The following OTUD7A variants were observed in gnomAD, a reference collection of about 807,000 sequenced individuals.
OTUD7A encodes the protein OTU domain-containing protein 7A.
A neutral mutation model predicts 65.7 loss-of-function variants in OTUD7A; 12 were observed. The observed-to-expected ratio is 0.18, with a 90% CI of 0.12 to 0.30. OTUD7A has a LOEUF of 0.30. Among genes scored for constraint, OTUD7A ranks in the 10% least tolerant of loss-of-function variants. The pLI is 1.00. For synonymous variants in OTUD7A, 641 were observed against 586.3 expected (o/e 1.09, Z -1.35); for missense variants, 1,148 against 1,304.8 (o/e 0.88, Z 1.85).
In OTUD7A at chr15:31,592,879, C is replaced by CAAAA. The variant is rs1170532149; in HGVS notation, c.152-22686_152-22683dup. Among the ~76,000 whole-genome samples, 14 of 8,538 alleles carry CAAAA rather than the reference C, an allele frequency of 1.6e-3. 3 individuals are homozygous for CAAAA. The highest frequency in any genetic ancestry group is 2.2e-3 in the Non-Finnish European group (13 of 5,964). 5.6% of individuals were successfully genotyped at this position (8,538 alleles called of 152,430 possible). A position where few individuals can be genotyped will look rare whatever the true frequency, so the allele number is the denominator to read the frequency against. ...TGGGTGACAGAGCAAGGCTCTGTCTCAAAAAAAAAAAAAAAAAAAAAAAAA... is the reference window on the plus strand; with the variant it reads ...TGGGTGACAGAGCAAGGCTCTGTCTCAAAAAAAAAAAAAAAAAAAAAAAAAAAAA... On this transcript the variant is annotated intron_variant, in intron 3 of 12. Transcript: ENST00000307050.
In OTUD7A at chr15:31,673,863, CCTT is replaced by C. The variant is rs1182838810; in HGVS notation, c.-99-16789_-99-16787del. ...AGCTGTCACCCCAACCTACTTGCCTCCTTCTTCTCTCTGTGAAGGCTGCCCTGG... is the reference window on the plus strand; with the variant it reads ...AGCTGTCACCCCAACCTACTTGCCTCCTTCTCTCTGTGAAGGCTGCCCTGG... On this transcript the variant is annotated intron_variant, in intron 1 of 12. Transcript: ENST00000307050. Among the ~76,000 whole-genome samples, 4 of 152,322 alleles carry C rather than the reference CCTT, an allele frequency of 2.6e-5. No homozygotes were observed. The South Asian group carries it at 8.3e-4, about 32-fold the overall frequency.
intron 8 of OTUD7A, 99 bp downstream of exon 8, chr15:31,526,250 G>T: frequency 8.4e-7 from 1 of 1,195,102 alleles, no homozygotes. Context: ...CAGCACAAGA[G>T]TCCCACATTC....
At chr15:31,831,700 C>T (rs1190973025) in intron 1 of OTUD7A, among the ~76,000 whole-genome samples, 1 of 152,198 alleles carries the variant, frequency 6.6e-6, no homozygotes, top group Admixed American at 6.5e-5. Context: ...TTCACAGTAG[C>T]CTTATTCCAA....
intron 1 of OTUD7A, among the ~76,000 whole-genome samples, chr15:31,803,082 C>T (rs887281404): frequency 6.6e-6 from 1 of 152,120 alleles, no homozygotes; most frequent in African/African-American, 2.4e-5. Context: ...GCAGAGCATT[C>T]CCAGACAAAT....
At chr15:31,555,989 G>T (rs1289315522) in intron 5 of OTUD7A, 1 of 152,158 alleles carries the variant, frequency 6.6e-6, no homozygotes, top group African/African-American at 2.4e-5. Flanking sequence ...CCACAGGCGT[G>T]CACCACCATG....
intron 1 of OTUD7A, among the ~76,000 whole-genome samples, chr15:31,763,197 C>T (rs1895016071): frequency 1.3e-5 from 2 of 152,074 alleles, no homozygotes; most frequent in Admixed American, 1.3e-4. Context: ...GCAGGAGAAT[C>T]ACTTGAACCC....
intron 3 of OTUD7A, among the ~76,000 whole-genome samples, chr15:31,601,427 C>G (rs568312120): frequency 3.3e-5 from 5 of 152,096 alleles, no homozygotes; most frequent in Non-Finnish European, 5.9e-5. Context: ...ACAGACGCAA[C>G]GTACCAGAAT....
chr15:31,487,490 C>T lies in OTUD7A; in HGVS notation c.1248G>A (p.Glu416=), dbSNP rs372209608. 7.4e-6 allele frequency: 12 copies of T among 1,614,114 alleles called. No individual in the cohort carries two copies. The highest frequency in any genetic ancestry group is 1.0e-5 in the Non-Finnish European group (12 of 1,180,030). The change falls in exon 11 of 13, where the codon GAG becomes GAA. Residue 416 remains glutamate (E), a synonymous_variant. Coordinates refer to ENST00000307050, the MANE Select transcript of OTUD7A (RefSeq NM_001382637.1). This position sits in a 1 kb window ranked among gnomAD's most constrained non-coding sequence, Gnocchi z 6.0. ...CGTTATCGTTGTCGTCTTTCCCCCA[C>T]TCCCAGTCCTTGCCAGGGTCCACTG... ...HFAVDPGKDW[E]WGKDDNDNAR...
chr15:31,551,592 A>C (rs1888326153), intron 5 of OTUD7A, among the ~76,000 whole-genome samples: 2 of 152,266 alleles, frequency 1.3e-5, no homozygotes, highest in South Asian at 4.1e-4. Flanking sequence ...GCTTTGGAGC[A>C]GGTGGTTACC....
chr15:31,538,321 C>G (rs2141131873), intron 5 of OTUD7A, among the ~76,000 whole-genome samples: 1 of 152,298 alleles, frequency 6.6e-6, no homozygotes, highest in East Asian at 1.9e-4. Flanking sequence ...GCTGCCAGCC[C>G]TGCCATGAAC....
At chr15:31,752,793 T>C (rs1173066508) in intron 1 of OTUD7A, among the ~76,000 whole-genome samples, 1 of 152,056 alleles carries the variant, frequency 6.6e-6, no homozygotes, top group African/African-American at 2.4e-5. Context: ...CTTACCCTCA[T>C]CATTTTTGAA....
At chr15:31,634,153 G>C (rs1891264695) in intron 3 of OTUD7A, among the ~76,000 whole-genome samples, 1 of 152,110 alleles carries the variant, frequency 6.6e-6, no homozygotes, top group East Asian at 1.9e-4. Flanking sequence ...CATCCACCAG[G>C]ATAAAGAAGT....
intron 1 of OTUD7A, among the ~76,000 whole-genome samples, chr15:31,720,151 C>T (rs1165549479): frequency 6.6e-6 from 1 of 150,518 alleles, no homozygotes; most frequent in Non-Finnish European, 1.5e-5. Context: ...GAGAAAGAAT[C>T]GTGGAAAAGT....
chr15:31,541,327 G>T (rs1021262877), intron 5 of OTUD7A, among the ~76,000 whole-genome samples: 1 of 152,130 alleles, frequency 6.6e-6, no homozygotes, highest in Non-Finnish European at 1.5e-5. Flanking sequence ...AAAAACCAAT[G>T]AAAAGATTTC....
At position 31,484,520 on chromosome 15, in the gene OTUD7A, T is replaced by C; in HGVS notation, c.1576A>G (p.Ser526Gly). 2 of 1,610,720 alleles carry C rather than the reference T, an allele frequency of 1.2e-6. No individual in the cohort carries two copies. The highest frequency in any genetic ancestry group is 1.7e-6 in the Non-Finnish European group (2 of 1,179,992). The change falls in exon 13 of 13, where the codon AGC (serine) becomes GGC (glycine). Residue 526 changes from serine to glycine, a missense_variant. Physicochemically the swap from Ser to Gly is moderately conservative, Grantham distance 56. Around this residue, in one of 6 missense-constraint regions of OTUD7A, gnomAD observed 842 missense variants for 769.5 expected, o/e 1.09. Coordinates refer to ENST00000307050, the MANE Select transcript of OTUD7A (RefSeq NM_001382637.1). The surrounding 1 kb of genome is among the most constrained non-coding windows in gnomAD (Gnocchi z 4.5). Reference sequence around the variant, plus strand: ...TTGATGCCCAGCGTCTTGCTGAAGCTGCCCAGCTTGTTGGCCACGGAGTCG... The same window carrying C: ...TTGATGCCCAGCGTCTTGCTGAAGCCGCCCAGCTTGTTGGCCACGGAGTCG... Reference protein sequence around the residue: ...RADSVANKLGSFSKTLGIKLK... With the variant: ...RADSVANKLGGFSKTLGIKLK...
chr15:31,822,947 C>A (rs924156045), intron 1 of OTUD7A, among the ~76,000 whole-genome samples: 1 of 152,108 alleles, frequency 6.6e-6, no homozygotes, highest in South Asian at 2.1e-4. Context: ...ACCTACAAGA[C>A]GTATGGTTCC....
intron 3 of OTUD7A, among the ~76,000 whole-genome samples, chr15:31,621,139 C>T (rs1331676071): frequency 6.6e-6 from 1 of 151,480 alleles, no homozygotes; most frequent in East Asian, 1.9e-4. Context: ...AAACAGTTTG[C>T]TATAATTTCT....
At chr15:31,587,182 A>T (rs1889568015) in intron 3 of OTUD7A, among the ~76,000 whole-genome samples, 2 of 152,112 alleles carry the variant, frequency 1.3e-5, no homozygotes, top group Non-Finnish European at 2.9e-5. Flanking sequence ...TAAAATATGC[A>T]TTCTTGATCT....
At chr15:31,640,697 T>C (rs1485081121) in intron 3 of OTUD7A, among the ~76,000 whole-genome samples, 1 of 139,442 alleles carries the variant, frequency 7.2e-6, no homozygotes, top group Non-Finnish European at 1.5e-5. Context: ...ATTGATCTAA[T>C]TCTCTACATT....
Sources: allele counts gnomAD v4.1 joint callset (sites outside exome capture counted in the v4.1 genomes callset), GRCh38; gene constraint gnomAD v4.1.1; regional missense constraint gnomAD v4.1.1; non-coding constraint Gnocchi (gnomAD v3.1); transcripts MANE v1.5; gene names NCBI Gene and HGNC (gene_info 2026-07-23, HGNC 2026-07-21).